Variants in UGT2B15 observed in about 807,000 individuals in gnomAD.
UGT2B15 encodes UDP glucuronosyltransferase family 2 member B15.
A neutral mutation model predicts 45.9 loss-of-function variants in UGT2B15; 36 were observed. The observed-to-expected ratio is 0.78, with a 90% CI of 0.60 to 1.04. The LOEUF (loss-of-function observed/expected upper bound fraction) is 1.04, where lower values mean the gene tolerates loss of function less well. Ranked by LOEUF, UGT2B15 falls within the 50% of genes least tolerant of loss-of-function variation. UGT2B15 has a pLI of 0.00. For synonymous variants in UGT2B15, 219 were observed against 216.4 expected (o/e 1.01, Z -0.11); for missense variants, 617 against 622.4 (o/e 0.99, Z 0.09).
At chr4:68,668,303 G>A in intron 1 of UGT2B15, 115 bp from the exon 2 acceptor site, 4 of 1,446,722 alleles carry the variant, frequency 2.8e-6, no homozygotes, top group East Asian at 2.3e-5. Context: ...TATATAAAAT[G>A]TCTGTGCATT....
intron 5 of UGT2B15, among the ~76,000 whole-genome samples, 167 bp from the exon 6 acceptor site, chr4:68,647,550 G>A (rs997371786): frequency 3.3e-5 from 5 of 152,006 alleles, no homozygotes; most frequent in African/African-American, 1.2e-4. Context: ...AGAAAGTTTG[G>A]TTTTTAAATT....
chr4:68,653,509 A>G (rs1732712835), intron 5 of UGT2B15, among the ~76,000 whole-genome samples: 2 of 152,038 alleles, frequency 1.3e-5, no homozygotes, highest in African/African-American at 4.8e-5. Context: ...TTCATACATT[A>G]TGAGTTTAAT....
intron 1 of UGT2B15, 103 bp from the exon 2 acceptor site, chr4:68,668,291 C>T (rs1250847609): frequency 9.0e-5 from 137 of 1,530,018 alleles, no homozygotes; most frequent in Non-Finnish European, 1.1e-4. Context: ...CATACCCAAA[C>T]ATATATAAAA....
At position 68,650,995 on chromosome 4, in the gene UGT2B15, G is replaced by GTT. The variant is rs376333738; in HGVS notation, c.1313+3040_1313+3041dup. Reference sequence around the variant, plus strand: ...CTTTTGCCCACTTTTTGATGGTGTTGTTTTTTTTTTTTTTTTTGTAAATTT... The same window carrying GTT: ...CTTTTGCCCACTTTTTGATGGTGTTGTTTTTTTTTTTTTTTTTTTGTAAATTT... On this transcript the variant is annotated intron_variant, in intron 5 of 5. Coordinates refer to ENST00000338206, the MANE Select transcript of UGT2B15 (RefSeq NM_001076.4). 6.7e-3 allele frequency among the ~76,000 whole-genome samples: 788 copies of GTT among 117,506 alleles called. 15 individuals carry two copies. Among genetic ancestry groups the GTT allele is most frequent in the South Asian group, 0.018 (65 of 3,582 alleles). 77.1% of individuals were successfully genotyped at this position (117,506 alleles called of 152,430 possible).
In UGT2B15 at chr4:68,655,104, C is replaced by A; in HGVS notation, c.1084G>T (p.Asp362Tyr). 1 of 1,613,076 alleles carries A rather than the reference C, an allele frequency of 6.2e-7. No homozygotes were observed. Among genetic ancestry groups the A allele is most frequent in the South Asian group, 1.1e-5 (1 of 91,012 alleles). The change falls in exon 4 of 6, where the codon GAC (aspartate) becomes TAC (tyrosine). Residue 362 changes from aspartate to tyrosine, a missense_variant. Around this residue, in one of 3 missense-constraint regions of UGT2B15, gnomAD observed 265 missense variants for 245.1 expected, o/e 1.08. Transcript: ENST00000338206. Reference sequence around the variant, plus strand: ...TTCTCCAGAATCTTACCAAGAAGGTCATTCTGGGGTAACCACTTGTACAGT... The same window carrying A: ...TTCTCCAGAATCTTACCAAGAAGGTAATTCTGGGGTAACCACTTGTACAGT... ...TRLYKWLPQN[D>Y]LLGHPKTKAF...
At chr4:68,652,718 TA>T (rs879826657) in intron 5 of UGT2B15, among the ~76,000 whole-genome samples, 18 of 148,348 alleles carry the variant, frequency 1.2e-4, no homozygotes, top group African/African-American at 1.5e-4. Flanking sequence ...TTCCAAAAAG[TA>T]AAAAAAAAAA....
intron 3 of UGT2B15, among the ~76,000 whole-genome samples, chr4:68,661,958 T>C (rs988144430): frequency 3.3e-5 from 5 of 152,202 alleles, no homozygotes; most frequent in Admixed American, 2.0e-4. Flanking sequence ...CTATAGCCAG[T>C]CATTACCATG....
chr4:68,653,544 G>A (rs2109822744), intron 5 of UGT2B15, among the ~76,000 whole-genome samples: 1 of 151,858 alleles, frequency 6.6e-6, no homozygotes, highest in East Asian at 1.9e-4. Context: ...ATGTTCTTTA[G>A]GGCTGTGGCT....
chr4:68,658,482 G>A (rs1318269837), intron 3 of UGT2B15, among the ~76,000 whole-genome samples: 2 of 151,930 alleles, frequency 1.3e-5, no homozygotes. Context: ...CATACTTATT[G>A]TTGCCAAATA....
intron 2 of UGT2B15, among the ~76,000 whole-genome samples, chr4:68,663,374 G>A (rs1489214858): frequency 6.6e-6 from 1 of 152,062 alleles, no homozygotes; most frequent in Non-Finnish European, 1.5e-5. Context: ...TGTGTGTAAG[G>A]AGGAAATGAA....
intron 3 of UGT2B15, among the ~76,000 whole-genome samples, chr4:68,657,137 GA>G (rs1732830803): frequency 6.6e-6 from 1 of 152,122 alleles, no homozygotes; most frequent in Non-Finnish European, 1.5e-5. Context: ...GTTTACATAG[GA>G]AAATGAGAGA....
intron 3 of UGT2B15, among the ~76,000 whole-genome samples, chr4:68,662,691 A>G (rs1330593471): frequency 6.6e-6 from 1 of 151,682 alleles, no homozygotes; most frequent in Non-Finnish European, 1.5e-5. Context: ...TGTAAACCAA[A>G]AGGAGCAAAT....
intron 2 of UGT2B15, among the ~76,000 whole-genome samples, chr4:68,663,645 A>G (rs1733029208): frequency 6.6e-6 from 1 of 151,956 alleles, no homozygotes; most frequent in South Asian, 2.1e-4. Flanking sequence ...AGGAAAAGTT[A>G]GTTACAATTG....
chr4:68,656,867 C>G (rs566852453), intron 3 of UGT2B15, among the ~76,000 whole-genome samples: 2 of 152,018 alleles, frequency 1.3e-5, no homozygotes, highest in Admixed American at 1.3e-4. Flanking sequence ...TTGAGATTAC[C>G]ACAGATTACC....
chr4:68,670,366 A>C lies in UGT2B15; in HGVS notation c.253T>G (p.Tyr85Asp), dbSNP rs1902023. Reference protein sequence around the residue: ...EVYPTSLTKNYLEDSLLKILD... With the variant: ...EVYPTSLTKNDLEDSLLKILD... The stretch of plus-strand genomic sequence containing the variant: ...ATTTTCAGAAGAGAATCTTCCAAAT[A>C]ATTTTTAGTTAAAGATGTAGGATAA... The change falls in exon 1 of 6, where the codon TAT (tyrosine) becomes GAT (aspartate). Residue 85 changes from tyrosine (Y) to aspartate (D), a missense_variant. Tyr to Asp is a radical substitution (Grantham distance 160). This residue lies in a region of UGT2B15 where 351 missense variants were observed against 342.1 expected (regional missense o/e 1.03). Coordinates refer to ENST00000338206, the MANE Select transcript of UGT2B15 (RefSeq NM_001076.4). The C allele has an allele frequency of 0.49, 789,625 of 1,612,884 alleles. 195,678 individuals are homozygous for C. The highest frequency in any genetic ancestry group is 0.61 in the Admixed American group (36,530 of 59,682).
At position 68,647,259 on chromosome 4, in the gene UGT2B15, C is replaced by A; in HGVS notation, c.1438G>T (p.Ala480Ser). 6.2e-7 allele frequency: 1 copy of A among 1,613,966 alleles called. No homozygotes were observed. Among genetic ancestry groups the A allele is most frequent in the Non-Finnish European group, 8.5e-7 (1 of 1,179,928 alleles). The part of the protein sequence containing the change: ...RHKGAKHLRV[A>S]AHNLTWIQYH... ...TGGATCCAGGTGAGGTTGTGAGCTG[C>A]GACTCGAAGGTGCTTGGCTCCTTTG... Residue 480 changes from alanine (A) to serine (S), a missense_variant, in exon 6 of 6, where the codon GCA (alanine) becomes TCA (serine). Physicochemically the swap from Ala to Ser is moderately conservative, Grantham distance 99. Coordinates refer to ENST00000338206, the MANE Select transcript of UGT2B15 (RefSeq NM_001076.4).
Position 68,646,949 on chromosome 4 carries a change from T to C in UGT2B15, c.*155A>G, listed in dbSNP as rs1732491413. The C allele has an allele frequency of 3.4e-6, 4 of 1,164,668 alleles. No homozygotes were observed. Among genetic ancestry groups the C allele is most frequent in the South Asian group, 3.2e-5 (2 of 62,746 alleles). 72.1% of individuals were successfully genotyped at this position (1,164,668 alleles called of 1,614,324 possible). On this transcript the variant is annotated 3_prime_UTR_variant, in exon 6 of 6. Coordinates refer to ENST00000338206, the MANE Select transcript of UGT2B15 (RefSeq NM_001076.4). ...TAGAATAATTCAGCTAAAGTACGTA[T>C]TAAATCCCTGGAAAATAAATTTTGT...
intron 4 of UGT2B15, 32 bp downstream of exon 4, chr4:68,655,063 A>G (rs1181474473): frequency 1.2e-6 from 2 of 1,602,512 alleles, no homozygotes; most frequent in East Asian, 4.5e-5. Flanking sequence ...GCTGTTACTA[A>G]TATATTCACT....
chr4:68,660,921 A>C (rs1327586110), intron 3 of UGT2B15, among the ~76,000 whole-genome samples: 1 of 151,974 alleles, frequency 6.6e-6, no homozygotes, highest in Non-Finnish European at 1.5e-5. Flanking sequence ...TATGGACTTC[A>C]GAGTAATGGG....
Sources: allele counts gnomAD v4.1 joint callset (sites outside exome capture counted in the v4.1 genomes callset), GRCh38; gene constraint gnomAD v4.1.1; regional missense constraint gnomAD v4.1.1; transcripts MANE v1.5; gene names NCBI Gene and HGNC (gene_info 2026-07-23, HGNC 2026-07-21).